Variants in PLCXD3 observed in about 807,000 individuals in gnomAD.
PLCXD3 encodes phosphatidylinositol specific phospholipase C X domain containing 3, also known as PI-PLC X domain-containing protein 3.
A neutral mutation model predicts 25.5 loss-of-function variants in PLCXD3; 19 were observed. The ratio of observed to expected loss-of-function variants is 0.75; its 90% CI spans 0.52 to 1.09. The LOEUF (loss-of-function observed/expected upper bound fraction) is 1.09, where lower values mean the gene tolerates loss of function less well. Among genes scored for constraint, PLCXD3 ranks in the 50% least tolerant of loss-of-function variants. The pLI, the probability that PLCXD3 is intolerant of heterozygous loss-of-function variation, is 0.00. For missense variants in PLCXD3, 411 were observed against 388.1 expected, an observed-to-expected ratio of 1.06 and a Z score of -0.50; for synonymous variants, 174 against 137.6, an observed-to-expected ratio of 1.26 and a Z score of -1.85.
At chr5:41,317,469 C>T (rs1743335050) in intron 2 of PLCXD3, among the ~76,000 whole-genome samples, 1 of 152,026 alleles carries the variant, frequency 6.6e-6, no homozygotes, top group Admixed American at 6.5e-5. Flanking sequence ...GAATATCTAA[C>T]TAGCATCAAC....
At chr5:41,393,404 G>A (rs1745896123) in intron 1 of PLCXD3, among the ~76,000 whole-genome samples, 1 of 152,068 alleles carries the variant, frequency 6.6e-6, no homozygotes, top group African/African-American at 2.4e-5. Context: ...AGGAGAAAGT[G>A]GCATAACATA....
intron 1 of PLCXD3, among the ~76,000 whole-genome samples, chr5:41,429,705 G>A (rs1429909448): frequency 6.6e-6 from 1 of 151,954 alleles, no homozygotes; most frequent in Admixed American, 6.6e-5. Context: ...AAGAAATATA[G>A]AAATATGATA....
rs1353178834 is a variant in PLCXD3, at chr5:41,501,674, TA to T, written c.103+8749del. Reference sequence around the variant, plus strand: ...TTATATACTTAAAATTTTAAGATAGTAAATTTCACGTTATGGATGTCATAGT... The same window carrying T: ...TTATATACTTAAAATTTTAAGATAGTAATTTCACGTTATGGATGTCATAGT... On this transcript the variant is annotated intron_variant, in intron 1 of 2. Transcript: ENST00000377801. Among the ~76,000 whole-genome samples, 8 of 152,164 alleles carry T rather than the reference TA, an allele frequency of 5.3e-5. No homozygotes were observed. In the East Asian group the frequency reaches 1.5e-3, roughly 29 times the overall value.
chr5:41,364,681 T>A (rs1744886412), intron 2 of PLCXD3, among the ~76,000 whole-genome samples: 1 of 152,148 alleles, frequency 6.6e-6, no homozygotes, highest in Admixed American at 6.5e-5. Flanking sequence ...AATTGTCCTT[T>A]CTCATTACAA....
intron 2 of PLCXD3, among the ~76,000 whole-genome samples, chr5:41,332,920 A>T (rs907464488): frequency 6.6e-6 from 1 of 152,082 alleles, no homozygotes; most frequent in Non-Finnish European, 1.5e-5. Flanking sequence ...CAGGAAGGGG[A>T]ACATCACACT....
At chr5:41,322,233 G>GA (rs1421973009) in intron 2 of PLCXD3, among the ~76,000 whole-genome samples, 1 of 151,988 alleles carries the variant, frequency 6.6e-6, no homozygotes, top group Non-Finnish European at 1.5e-5. Context: ...AACTTTATAG[G>GA]AAAAAAAGCT....
chr5:41,491,857 C>T (rs1478640804), intron 1 of PLCXD3, among the ~76,000 whole-genome samples: 2 of 152,086 alleles, frequency 1.3e-5, no homozygotes, highest in Non-Finnish European at 1.5e-5. Context: ...TTCCTGAATA[C>T]AGCACACTGA....
intron 1 of PLCXD3, among the ~76,000 whole-genome samples, chr5:41,497,143 G>GA (rs1273366430): frequency 1.3e-5 from 2 of 151,166 alleles, no homozygotes; most frequent in Admixed American, 6.6e-5. Context: ...TAACAATGGT[G>GA]AAAAAAAGGT....
chr5:41,392,936 C>A, intron 1 of PLCXD3, among the ~76,000 whole-genome samples: 1 of 152,074 alleles, frequency 6.6e-6, no homozygotes, highest in East Asian at 1.9e-4. Context: ...AAGAATGCAT[C>A]GGGATCCTTT....
intron 1 of PLCXD3, among the ~76,000 whole-genome samples, chr5:41,383,695 T>C (rs554495903): frequency 6.6e-6 from 1 of 152,206 alleles, no homozygotes; most frequent in East Asian, 1.9e-4. Context: ...TGCACTTTGT[T>C]GCCCCATTCC....
At chr5:41,331,495 A>G (rs1430977608) in intron 2 of PLCXD3, among the ~76,000 whole-genome samples, 2 of 152,198 alleles carry the variant, frequency 1.3e-5, no homozygotes, top group Non-Finnish European at 2.9e-5. Context: ...GAGAGTCAAT[A>G]TCGTGAAAAT....
At position 41,332,405 on chromosome 5, in the gene PLCXD3, C is replaced by T. The variant is rs888240237; in HGVS notation, c.813-18635G>A. ...AAAACCACAATGAGATACCATCTCA[C>T]ACCAGCTAGAATGGCAATCATTAAA... is the stretch of plus-strand genomic sequence containing the variant. On this transcript the variant is annotated intron_variant, in intron 2 of 2. Coordinates refer to ENST00000377801, the MANE Select transcript of PLCXD3 (RefSeq NM_001005473.3). Among the ~76,000 whole-genome samples, 118 of 152,216 alleles carry T rather than the reference C, an allele frequency of 7.8e-4. No homozygotes were observed. In the Middle Eastern group the frequency reaches 0.014, roughly 18 times the overall value.
At chr5:41,408,139 C>T (rs1746406610) in intron 1 of PLCXD3, among the ~76,000 whole-genome samples, 1 of 152,154 alleles carries the variant, frequency 6.6e-6, no homozygotes, top group Non-Finnish European at 1.5e-5. Context: ...GCTCCCATTG[C>T]CATCCATGGT....
intron 1 of PLCXD3, among the ~76,000 whole-genome samples, chr5:41,503,018 G>A (rs1215338909): frequency 6.6e-6 from 1 of 152,124 alleles, no homozygotes; most frequent in South Asian, 2.1e-4. Context: ...GGGTCACATA[G>A]GTGTGTGTTT....
chr5:41,430,251 T>C (rs901234454), intron 1 of PLCXD3, among the ~76,000 whole-genome samples: 1 of 152,214 alleles, frequency 6.6e-6, no homozygotes, highest in African/African-American at 2.4e-5. Flanking sequence ...TATAACTGTA[T>C]GTAAATATAG....
intron 1 of PLCXD3, among the ~76,000 whole-genome samples, chr5:41,487,896 T>G (rs1748555898): frequency 6.6e-6 from 1 of 152,106 alleles, no homozygotes; most frequent in Non-Finnish European, 1.5e-5. Flanking sequence ...TGGAGGGTTT[T>G]ATTTATTTTA....
At chr5:41,507,486 A>C (rs757368347) in intron 1 of PLCXD3, among the ~76,000 whole-genome samples, 2 of 152,230 alleles carry the variant, frequency 1.3e-5, no homozygotes, top group Admixed American at 6.5e-5. Context: ...GAAGCCATTT[A>C]AATGCCAAAC....
intron 2 of PLCXD3, among the ~76,000 whole-genome samples, chr5:41,315,635 G>A (rs377053288): frequency 1.0e-3 from 152 of 152,168 alleles, no homozygotes; most frequent in South Asian, 8.9e-3. Context: ...ACTTTATATC[G>A]CGGAAAATGC....
Position 41,313,451 on chromosome 5 carries a change from A to G in PLCXD3, c.*166T>C. 3.1e-6 allele frequency: 2 copies of G among 652,798 alleles called. No homozygotes were observed. The highest frequency in any genetic ancestry group is 2.5e-6 in the Non-Finnish European group (1 of 394,858). The allele number at this position is 652,798 out of a possible 1,614,324, so 40.4% of individuals were successfully genotyped here. The stretch of plus-strand genomic sequence containing the variant: ...TGAAATATTTATAGTAATGAAGAGT[A>G]TGATTGTAATCACTGAAGAAACAGT... On this transcript the variant is annotated 3_prime_UTR_variant, in exon 3 of 3. Transcript: ENST00000377801.
Sources: allele counts gnomAD v4.1 joint callset (sites outside exome capture counted in the v4.1 genomes callset), GRCh38; gene constraint gnomAD v4.1.1; transcripts MANE v1.5; gene names NCBI Gene and HGNC (gene_info 2026-07-23, HGNC 2026-07-21).